The following CYB5R4 variants were observed in gnomAD, a reference collection of about 807,000 sequenced individuals.
The protein encoded by CYB5R4 is cytochrome b5 reductase 4.
CYB5R4 carries 55 observed loss-of-function variants against 70.2 expected under a neutral mutation model. The observed-to-expected ratio is 0.78, with a 90% confidence interval of 0.63 to 0.98. The LOEUF (loss-of-function observed/expected upper bound fraction) is 0.98, where lower values mean the gene tolerates loss of function less well. CYB5R4 is among the 50% of genes least tolerant of loss of function. The pLI is 0.00. For synonymous variants in CYB5R4, 197 were observed against 199.5 expected (o/e 0.99, Z 0.11); for missense variants, 562 against 612.6 (o/e 0.92, Z 0.87).
At chr6:83,907,144 C>T (rs529157548) in intron 3 of CYB5R4, among the ~76,000 whole-genome samples, 167 of 152,190 alleles carry the variant, frequency 1.1e-3, no homozygotes, top group African/African-American at 3.8e-3. Flanking sequence ...GTGGCATGAT[C>T]AGCTTACTGC....
Position 83,960,035 on chromosome 6 carries a change from T to A in CYB5R4, c.*157T>A. 1 of 501,154 alleles carries A rather than the reference T, an allele frequency of 2.0e-6. No homozygotes were observed. The allele number at this position is 501,154 out of a possible 1,614,324, so 31.0% of individuals were successfully genotyped here. On this transcript the variant is annotated 3_prime_UTR_variant, in exon 16 of 16. Transcript: ENST00000369681. ...CAAATGTTCCTTCAGTACAGGTAAC[T>A]TCTTGGCTTTCTTTTGTACCACAAC...
chr6:83,904,133 T>C (rs962978931), intron 3 of CYB5R4, among the ~76,000 whole-genome samples: 2 of 152,210 alleles, frequency 1.3e-5, no homozygotes, highest in African/African-American at 4.8e-5. Flanking sequence ...CATTGTTAGA[T>C]TGTTTATTTG....
At chr6:83,956,483 C>T (rs1464849790) in intron 15 of CYB5R4, among the ~76,000 whole-genome samples, 1 of 152,060 alleles carries the variant, frequency 6.6e-6, no homozygotes, top group East Asian at 1.9e-4. Flanking sequence ...AGGGAATGTT[C>T]AGGTTAAGAT....
chr6:83,895,331 A>G (rs1351725058), intron 3 of CYB5R4, among the ~76,000 whole-genome samples: 1 of 151,712 alleles, frequency 6.6e-6, no homozygotes, highest in Non-Finnish European at 1.5e-5. Context: ...TCGCCTGGCT[A>G]ATTTTTGTAT....
At chr6:83,861,343 G>A (rs1251017338) in intron 1 of CYB5R4, among the ~76,000 whole-genome samples, 1 of 152,224 alleles carries the variant, frequency 6.6e-6, no homozygotes, top group Non-Finnish European at 1.5e-5. Flanking sequence ...ATGATGCTGA[G>A]AATGTAAAAA....
chr6:83,931,437 G>C (rs1454994922), intron 10 of CYB5R4, among the ~76,000 whole-genome samples: 1 of 152,194 alleles, frequency 6.6e-6, no homozygotes, highest in Non-Finnish European at 1.5e-5. Flanking sequence ...TCCCATTGAA[G>C]ACTTTACCTG....
chr6:83,956,131 A>G (rs188047412), intron 15 of CYB5R4, among the ~76,000 whole-genome samples: 4 of 152,324 alleles, frequency 2.6e-5, no homozygotes, highest in Admixed American at 6.5e-5. Context: ...CTAACCTAAC[A>G]TTTCTAGATG....
chr6:83,918,843 T>G (rs1296594359), intron 6 of CYB5R4, among the ~76,000 whole-genome samples: 1 of 152,094 alleles, frequency 6.6e-6, no homozygotes, highest in South Asian at 2.1e-4. Context: ...ATATACAATT[T>G]TAAGTTAGGG....
intron 10 of CYB5R4, chr6:83,926,338 GTCACT>G (rs1562841107): frequency 6.6e-6 from 1 of 151,582 alleles, no homozygotes; most frequent in African/African-American, 2.4e-5. Context: ...ATCTGTAAGC[GTCACT>G]TAATTTTTTC....
At chr6:83,940,462 A>G in intron 13 of CYB5R4, 53 bp from the exon 14 acceptor site, 2 of 1,466,554 alleles carry the variant, frequency 1.4e-6, no homozygotes, top group South Asian at 2.7e-5. Context: ...CCATTTGTGC[A>G]TATTTTAAAT....
chr6:83,936,191 A>T (rs2099468901), intron 11 of CYB5R4, 33 bp from the exon 12 acceptor site: 1 of 1,482,336 alleles, frequency 6.7e-7, no homozygotes, highest in South Asian at 1.4e-5. Flanking sequence ...GATTTTTAGA[A>T]TTTAATTATT....
rs1157272616 is a variant in CYB5R4, at chr6:83,962,168, C to A, written c.*2290C>A. 1 of 152,228 alleles carries A rather than the reference C, an allele frequency of 6.6e-6. No individual in the cohort carries two copies. Among genetic ancestry groups the A allele is most frequent in the Non-Finnish European group, 1.5e-5 (1 of 68,070 alleles). 9.4% of individuals were successfully genotyped at this position (152,228 alleles called of 1,614,324 possible). ...CAACATCAATGTCCCCTTCTCCAGTCTGACTCTTCCATACCAGCTAACCCT... is the reference window on the plus strand; with the variant it reads ...CAACATCAATGTCCCCTTCTCCAGTATGACTCTTCCATACCAGCTAACCCT... On this transcript the variant is annotated 3_prime_UTR_variant, in exon 16 of 16. Coordinates refer to ENST00000369681, the MANE Select transcript of CYB5R4 (RefSeq NM_016230.4).
intron 5 of CYB5R4, among the ~76,000 whole-genome samples, chr6:83,917,758 A>G (rs1229168290): frequency 6.6e-6 from 1 of 152,132 alleles, no homozygotes; most frequent in East Asian, 1.9e-4. Context: ...TAGTCAGAAT[A>G]CATGTTACTC....
chr6:83,906,227 T>A (rs2099463752), intron 3 of CYB5R4, among the ~76,000 whole-genome samples: 1 of 152,194 alleles, frequency 6.6e-6, no homozygotes, highest in Admixed American at 6.5e-5. Flanking sequence ...CCCTGGTGAC[T>A]TGCTCTTGCC....
chr6:83,897,704 G>C (rs557139099), intron 3 of CYB5R4, among the ~76,000 whole-genome samples: 1 of 152,198 alleles, frequency 6.6e-6, no homozygotes, highest in East Asian at 1.9e-4. Flanking sequence ...CTTTTGAGAA[G>C]TGTCTGTTCA....
At chr6:83,941,077 G>A (rs1289868875) in intron 14 of CYB5R4, among the ~76,000 whole-genome samples, 1 of 152,116 alleles carries the variant, frequency 6.6e-6, no homozygotes, top group Non-Finnish European at 1.5e-5. Flanking sequence ...TTCCTTTTAT[G>A]TTTGTTTGTT....
intron 2 of CYB5R4, among the ~76,000 whole-genome samples, chr6:83,889,791 C>T (rs1026805417): frequency 2.0e-5 from 3 of 152,132 alleles, no homozygotes; most frequent in Non-Finnish European, 2.9e-5. Context: ...TCTTAGAGAG[C>T]TTTAACTCAT....
At chr6:83,871,062 C>T (rs1370689381) in intron 2 of CYB5R4, among the ~76,000 whole-genome samples, 1 of 149,714 alleles carries the variant, frequency 6.7e-6, no homozygotes, top group Non-Finnish European at 1.5e-5. Context: ...CTGCAACCTC[C>T]GTCTCCCGGG....
At position 83,966,392 on chromosome 6, in the gene CYB5R4, A is replaced by G. The variant is rs1420793796; in HGVS notation, c.*6514A>G. 1 of 152,116 alleles carries G rather than the reference A, an allele frequency of 6.6e-6. No individual in the cohort carries two copies. The highest frequency in any genetic ancestry group is 1.5e-5 in the Non-Finnish European group (1 of 68,010). The allele number at this position is 152,116 out of a possible 1,614,324, so 9.4% of individuals were successfully genotyped here. A position where few individuals can be genotyped will look rare whatever the true frequency, so the allele number is the denominator to read the frequency against. On this transcript the variant is annotated 3_prime_UTR_variant, in exon 16 of 16. Transcript: ENST00000369681. ...AAGAGTAAAAATAAATCTTTAAAAA[A>G]ATAAAAATAAAAAGGAGGCCTGTGT...
Sources: gnomAD v4.1 joint callset for allele counts (sites outside exome capture counted in the v4.1 genomes callset) on GRCh38, gnomAD v4.1.1 for gene constraint, MANE v1.5 for transcripts, NCBI Gene and HGNC (gene_info 2026-07-23, HGNC 2026-07-21) for gene names.